NANP: variants seen among roughly 807,000 people sequenced by gnomAD.
The protein encoded by NANP is N-acetylneuraminic acid phosphatase.
A neutral mutation model predicts 16.9 loss-of-function variants in NANP; 15 were observed. That is an observed-to-expected ratio of 0.89 (90% CI 0.59 to 1.37). The LOEUF is 1.37. NANP is among the 40% of genes most tolerant of loss of function. The pLI, the probability that NANP is intolerant of heterozygous loss-of-function variation, is 0.00. For missense variants in NANP, 290 were observed against 303.5 expected (o/e 0.96, Z 0.33); for synonymous variants, 135 against 112.6 (o/e 1.20, Z -1.26).
At chr20:25,621,269 C>G (rs1428356871) in intron 1 of NANP, among the ~76,000 whole-genome samples, 1 of 152,136 alleles carries the variant, frequency 6.6e-6, no homozygotes, top group Non-Finnish European at 1.5e-5. Context: ...TCTGCTTTTT[C>G]TATCACACCT....
At position 25,624,006 on chromosome 20, in the gene NANP, G is replaced by A. The variant is rs2065381178; in HGVS notation, c.-58C>T. On this transcript the variant is annotated 5_prime_UTR_variant, in exon 1 of 2. Coordinates refer to ENST00000304788, the MANE Select transcript of NANP (RefSeq NM_152667.3). ...CCACCGCCGCCTGCGCATGCGCAAG[G>A]CGGACTGCCCAGAGAGACGTGGGAG... 1 of 1,554,336 alleles carries A rather than the reference G, an allele frequency of 6.4e-7. No homozygotes were observed. Among genetic ancestry groups the A allele is most frequent in the Non-Finnish European group, 8.8e-7 (1 of 1,134,560 alleles).
At position 25,617,813 on chromosome 20, in the gene NANP, G is replaced by A. The variant is rs139305751; in HGVS notation, c.91-1232C>T. 5.0e-3 allele frequency among the ~76,000 whole-genome samples: 762 copies of A among 152,184 alleles called. 24 individuals are homozygous for A. The highest frequency in any genetic ancestry group is 0.046 in the Admixed American group (710 of 15,284). On this transcript the variant is annotated intron_variant, in intron 1 of 1. Coordinates refer to ENST00000304788, the MANE Select transcript of NANP (RefSeq NM_152667.3). Reference sequence around the variant, plus strand: ...ATTATAGGCATGAGCCACTGCGCCCGGCCCCAATTCTGTACTTTTGAGTTA... The same window carrying A: ...ATTATAGGCATGAGCCACTGCGCCCAGCCCCAATTCTGTACTTTTGAGTTA...
chr20:25,617,365 C>A (rs1056485714), intron 1 of NANP, among the ~76,000 whole-genome samples: 1 of 152,116 alleles, frequency 6.6e-6, no homozygotes, highest in Admixed American at 6.6e-5. Flanking sequence ...GCGCCCACCA[C>A]GACGCCTGGT....
At chr20:25,620,692 G>C (rs2065361065) in intron 1 of NANP, among the ~76,000 whole-genome samples, 1 of 152,192 alleles carries the variant, frequency 6.6e-6, no homozygotes, top group Non-Finnish European at 1.5e-5. Context: ...TGAGGAATGT[G>C]TATTCGGGTT....
Position 25,615,181 on chromosome 20 carries a change from A to G in NANP, c.*744T>C, listed in dbSNP as rs1175502835. ...AACATTTCCTTGAGAGGTGAAGACT[A>G]AAAGGAAGCTACCGGCTCACTGTGC... On this transcript the variant is annotated 3_prime_UTR_variant, in exon 2 of 2. Transcript: ENST00000304788. The G allele has an allele frequency of 6.6e-6, 1 of 152,608 alleles. No homozygotes were observed. Among genetic ancestry groups the G allele is most frequent in the Non-Finnish European group, 1.5e-5 (1 of 68,038 alleles). 9.5% of individuals were successfully genotyped at this position (152,608 alleles called of 1,614,324 possible). A position where few individuals can be genotyped will look rare whatever the true frequency, so the allele number is the denominator to read the frequency against.
Position 25,614,587 on chromosome 20 carries a change from G to T in NANP, c.*1338C>A, listed in dbSNP as rs749361862. ...TTGCAAAACAATGATATATTTCCAA[G>T]AATGTGAAAAACAGAGGAAATTTAA... On this transcript the variant is annotated 3_prime_UTR_variant, in exon 2 of 2. Coordinates refer to ENST00000304788, the MANE Select transcript of NANP (RefSeq NM_152667.3). 1 of 152,150 alleles carries T rather than the reference G, an allele frequency of 6.6e-6. No homozygotes were observed. Among genetic ancestry groups the T allele is most frequent in the Non-Finnish European group, 1.5e-5 (1 of 68,030 alleles). 9.4% of individuals were successfully genotyped at this position (152,150 alleles called of 1,614,324 possible).
chr20:25,617,170 T>G (rs1037861527), intron 1 of NANP, among the ~76,000 whole-genome samples: 2 of 152,222 alleles, frequency 1.3e-5, no homozygotes, highest in African/African-American at 4.8e-5. Flanking sequence ...TTTCACATTT[T>G]GAAGACCTAA....
At position 25,614,131 on chromosome 20, in the gene NANP, C is replaced by A; in HGVS notation, c.*1794G>T. On this transcript the variant is annotated 3_prime_UTR_variant, in exon 2 of 2. Transcript: ENST00000304788. ...CAATCACATTTTTAAAAATCTAGAG[C>A]GAAAAGTAAACACGAAAGGGCATTT... 6.5e-6 allele frequency: 2 copies of A among 309,200 alleles called. No individual in the cohort carries two copies. The highest frequency in any genetic ancestry group is 5.2e-5 in the East Asian group (1 of 19,152). 19.2% of individuals were successfully genotyped at this position (309,200 alleles called of 1,614,324 possible). A position where few individuals can be genotyped will look rare whatever the true frequency, so the allele number is the denominator to read the frequency against.
chr20:25,620,024 T>C (rs1157140275), intron 1 of NANP, among the ~76,000 whole-genome samples: 2 of 152,344 alleles, frequency 1.3e-5, no homozygotes, highest in African/African-American at 4.8e-5. Flanking sequence ...CATTTTGTCA[T>C]ACAGCAACTA....
rs2065333721 is a variant in NANP at position 25,614,373 on chromosome 20, A to C, written c.*1552T>G. 6.6e-6 allele frequency: 1 copy of C among 152,276 alleles called. No homozygotes were observed. Among genetic ancestry groups the C allele is most frequent in the Non-Finnish European group, 1.5e-5 (1 of 68,076 alleles). The allele number at this position is 152,276 out of a possible 1,614,324, so 9.4% of individuals were successfully genotyped here. Reference sequence around the variant, plus strand: ...TCAAAAACCAACCTAAATCATATTTATTAACCACTTTAATAAGCCCCTTTA... The same window carrying C: ...TCAAAAACCAACCTAAATCATATTTCTTAACCACTTTAATAAGCCCCTTTA... On this transcript the variant is annotated 3_prime_UTR_variant, in exon 2 of 2. Coordinates refer to ENST00000304788, the MANE Select transcript of NANP (RefSeq NM_152667.3).
intron 1 of NANP, among the ~76,000 whole-genome samples, chr20:25,618,004 C>G (rs1483412069): frequency 6.6e-6 from 1 of 152,172 alleles, no homozygotes; most frequent in Non-Finnish European, 1.5e-5. Flanking sequence ...CAAGACAGTT[C>G]CATGTTCCAA....
In NANP at chr20:25,613,908, A is replaced by C; in HGVS notation, c.*2017T>G. On this transcript the variant is annotated 3_prime_UTR_variant, in exon 2 of 2. Coordinates refer to ENST00000304788, the MANE Select transcript of NANP (RefSeq NM_152667.3). ...CATCCTGTGGGAGAGTTAAAAGGAC[A>C]AGCCCCCTGCAGCACACGCCAACCA... is the stretch of plus-strand genomic sequence containing the variant. 5.0e-6 allele frequency: 2 copies of C among 398,510 alleles called. No homozygotes were observed. Among genetic ancestry groups the C allele is most frequent in the Non-Finnish European group, 8.8e-6 (2 of 225,998 alleles). The allele number at this position is 398,510 out of a possible 1,614,324, so 24.7% of individuals were successfully genotyped here. A position where few individuals can be genotyped will look rare whatever the true frequency, so the allele number is the denominator to read the frequency against.
At chr20:25,623,557 G>A (rs1455150113) in intron 1 of NANP, among the ~76,000 whole-genome samples, 3 of 152,160 alleles carry the variant, frequency 2.0e-5, no homozygotes, top group African/African-American at 7.2e-5. Flanking sequence ...CCGCGCCCAC[G>A]GGCACCTCCG....
chr20:25,616,514 T>C lies in NANP; in HGVS notation c.158A>G (p.Gln53Arg). 4.3e-6 allele frequency: 7 copies of C among 1,613,090 alleles called. No homozygotes were observed. Among genetic ancestry groups the C allele is most frequent in the Non-Finnish European group, 5.9e-6 (7 of 1,179,610 alleles). The change falls in exon 2 of 2, where the codon CAA becomes CGA. Residue 53 changes from glutamine to arginine, a missense_variant. Physicochemically the swap from Gln to Arg is conservative, Grantham distance 43. Transcript: ENST00000304788. ...AAAACATTCCTTGCTGAGTTTAACT[T>C]GAACTTTATCACAGATGATTTCAGC... ...EEAEIICDKV[Q>R]VKLSKECFHP...
intron 1 of NANP, among the ~76,000 whole-genome samples, chr20:25,623,370 AG>A (rs2065374862): frequency 6.6e-6 from 1 of 152,256 alleles, no homozygotes; most frequent in Admixed American, 6.5e-5. Context: ...GCTTAAGTCC[AG>A]GCTCGGTACT....
intron 1 of NANP, among the ~76,000 whole-genome samples, chr20:25,623,423 T>C (rs1487455322): frequency 6.6e-6 from 1 of 152,186 alleles, no homozygotes; most frequent in Non-Finnish European, 1.5e-5. Flanking sequence ...GGGCTAACTC[T>C]ACCATGTCTC....
chr20:25,619,306 G>T (rs191504835), intron 1 of NANP, among the ~76,000 whole-genome samples: 26 of 151,952 alleles, frequency 1.7e-4, no homozygotes, highest in African/African-American at 6.3e-4. Flanking sequence ...TTTTTTTGTA[G>T]AGACGGGTCT....
chr20:25,623,082 C>A (rs1054985543), intron 1 of NANP, among the ~76,000 whole-genome samples: 2 of 152,194 alleles, frequency 1.3e-5, no homozygotes, highest in African/African-American at 4.8e-5. Context: ...GATGAATTAG[C>A]TTTTGAAAGT....
rs759173353 is a variant in NANP, at chr20:25,623,897, TGA to T, written c.50_51del (p.Leu17HisfsTer25). 4 of 1,613,240 alleles carry T rather than the reference TGA, an allele frequency of 2.5e-6. No individual in the cohort carries two copies. Among genetic ancestry groups the T allele is most frequent in the Admixed American group, 3.3e-5 (2 of 60,008 alleles). ...CTCCTGCTCGCCCCGGCCGTGTCGA[TGA>T]GAGTGTTGTCCAAGTCAAAGAAAAC... is the stretch of plus-strand genomic sequence containing the variant. ...RAVFFDLDNTLIDTAGASRRG... is the reference protein window; with the variant it reads ...RAVFFDLDNTXIDTAGASRRG... On this transcript the variant is annotated frameshift_variant, in exon 1 of 2. Coordinates refer to ENST00000304788, the MANE Select transcript of NANP (RefSeq NM_152667.3). LOFTEE classifies it high-confidence loss of function.
Sources: allele counts gnomAD v4.1 joint callset (sites outside exome capture counted in the v4.1 genomes callset), GRCh38; gene constraint gnomAD v4.1.1; transcripts MANE v1.5; gene names NCBI Gene and HGNC (gene_info 2026-07-23, HGNC 2026-07-21).